Variants in YPEL1 observed in about 807,000 individuals in gnomAD.
YPEL1 encodes protein yippee-like 1.
YPEL1 carries 7 observed loss-of-function variants against 17.3 expected under a neutral mutation model. The ratio of observed to expected loss-of-function variants is 0.40; its 90% CI spans 0.23 to 0.76. The LOEUF is 0.76. YPEL1 is among the 30% of genes least tolerant of loss of function. The pLI is 0.35. For synonymous variants in YPEL1, 59 were observed against 59.6 expected (o/e 0.99, Z 0.05); for missense variants, 91 against 155.5 (o/e 0.59, Z 2.21).
intron 1 of YPEL1, 118 bp from the exon 2 acceptor site, chr22:21,711,026 ATTT>A (rs770316486): frequency 2.5e-4 from 66 of 260,708 alleles, no homozygotes; most frequent in East Asian, 8.0e-4. Context: ...CAGGACTAGA[ATTT>A]TTTTTTTTTT....
chr22:21,725,946 C>T (rs2068331915), intron 1 of YPEL1, among the ~76,000 whole-genome samples: 1 of 152,120 alleles, frequency 6.6e-6, no homozygotes, highest in South Asian at 2.1e-4. Context: ...CTATGGTGAG[C>T]CGTGATGGTG....
At chr22:21,720,321 C>T (rs2068268945) in intron 1 of YPEL1, among the ~76,000 whole-genome samples, 1 of 152,008 alleles carries the variant, frequency 6.6e-6, no homozygotes, top group Admixed American at 6.6e-5. Context: ...CCTCCCAGCT[C>T]AGCCTCCCAA....
At chr22:21,721,059 C>T (rs1422674513) in intron 1 of YPEL1, among the ~76,000 whole-genome samples, 4 of 151,988 alleles carry the variant, frequency 2.6e-5, no homozygotes, top group Non-Finnish European at 5.9e-5. Flanking sequence ...GATCTGTCTG[C>T]CTCAGCCTCC....
rs1168580307 is a variant in YPEL1 at position 21,699,732 on chromosome 22, A to G, written c.*1397T>C. ...GGTTCTGGCCTCTTTCATATGCAAA[A>G]ATAATTCTTTTTCTTCAAGTACATC... On this transcript the variant is annotated 3_prime_UTR_variant, in exon 5 of 5. Coordinates refer to ENST00000339468, the MANE Select transcript of YPEL1 (RefSeq NM_013313.5). The G allele has an allele frequency of 6.5e-6, 1 of 152,726 alleles. No individual in the cohort carries two copies. Among genetic ancestry groups the G allele is most frequent in the Non-Finnish European group, 1.5e-5 (1 of 68,034 alleles). 9.5% of individuals were successfully genotyped at this position (152,726 alleles called of 1,614,324 possible).
chr22:21,722,274 G>A (rs1001122097), intron 1 of YPEL1, among the ~76,000 whole-genome samples: 1 of 152,160 alleles, frequency 6.6e-6, no homozygotes. Flanking sequence ...AAATTAGCCA[G>A]ATGTGGTGGC....
At chr22:21,719,021 T>C (rs949740241) in intron 1 of YPEL1, among the ~76,000 whole-genome samples, 1 of 152,202 alleles carries the variant, frequency 6.6e-6, no homozygotes, top group African/African-American at 2.4e-5. Flanking sequence ...ACACAGTACA[T>C]TTTATTAGAT....
At position 21,735,722 on chromosome 22, in the gene YPEL1, G is replaced by T. The variant is rs2068430741; in HGVS notation, c.-272C>A. Reference sequence around the variant, plus strand: ...CCCGGCGCGGCCCGGGACGCGCTGAGGCCGTTAACGCCTAGGCAGGGCGCG... The same window carrying T: ...CCCGGCGCGGCCCGGGACGCGCTGATGCCGTTAACGCCTAGGCAGGGCGCG... On this transcript the variant is annotated 5_prime_UTR_variant, in exon 1 of 5. Coordinates refer to ENST00000339468, the MANE Select transcript of YPEL1 (RefSeq NM_013313.5). The T allele has an allele frequency of 6.6e-6, 1 of 150,854 alleles. No homozygotes were observed. Among genetic ancestry groups the T allele is most frequent in the South Asian group, 2.1e-4 (1 of 4,828 alleles). 9.3% of individuals were successfully genotyped at this position (150,854 alleles called of 1,614,324 possible).
chr22:21,731,108 T>TGGGAG (rs1190672079), intron 1 of YPEL1, among the ~76,000 whole-genome samples: 1 of 152,122 alleles, frequency 6.6e-6, no homozygotes, highest in Non-Finnish European at 1.5e-5. Flanking sequence ...CTGTGCATGG[T>TGGGAG]GACTCATGCC....
chr22:21,710,157 GCCAGAGCTTCAC>G (rs1427732082), intron 2 of YPEL1, among the ~76,000 whole-genome samples: 1 of 152,140 alleles, frequency 6.6e-6, no homozygotes, highest in Non-Finnish European at 1.5e-5. Flanking sequence ...ACAGAGACCA[GCCAGAGCTTCAC>G]CCAGGGCTCC....
At chr22:21,715,412 T>A (rs1601632764) in intron 1 of YPEL1, among the ~76,000 whole-genome samples, 2 of 151,566 alleles carry the variant, frequency 1.3e-5, no homozygotes, top group Non-Finnish European at 2.9e-5. Context: ...GAGAATCACT[T>A]GAACCCGGGA....
At chr22:21,721,368 G>C (rs184399994) in intron 1 of YPEL1, among the ~76,000 whole-genome samples, 1 of 150,796 alleles carries the variant, frequency 6.6e-6, no homozygotes, top group African/African-American at 2.4e-5. Flanking sequence ...TCTGCCCGCC[G>C]CAGCCTCCCA....
chr22:21,714,925 C>A (rs535152914), intron 1 of YPEL1, among the ~76,000 whole-genome samples: 57 of 152,270 alleles, frequency 3.7e-4, no homozygotes, highest in African/African-American at 1.4e-3. Context: ...CCTTTCCTTA[C>A]TGATTCGTAG....
intron 1 of YPEL1, among the ~76,000 whole-genome samples, chr22:21,725,991 C>T (rs1163364766): frequency 1.3e-5 from 2 of 152,102 alleles, no homozygotes; most frequent in South Asian, 2.1e-4. Flanking sequence ...AGACCGAGAC[C>T]GTGTCCAAAA....
In YPEL1 at chr22:21,701,092, C is replaced by T. The variant is rs770492767; in HGVS notation, c.*37G>A. On this transcript the variant is annotated 3_prime_UTR_variant, in exon 5 of 5. Transcript: ENST00000339468. ...TCCATTACATTCACAGTTTCTTTCA[C>T]AAAACAGCATTCAAAGGAGAAGGGA... 6.3e-6 allele frequency: 10 copies of T among 1,575,988 alleles called. No individual in the cohort carries two copies. Among genetic ancestry groups the T allele is most frequent in the South Asian group, 1.1e-5 (1 of 89,930 alleles).
In YPEL1 at chr22:21,697,676, C is replaced by A. The variant is rs1410978211; in HGVS notation, c.*3453G>T. 2 of 152,592 alleles carry A rather than the reference C, an allele frequency of 1.3e-5. No homozygotes were observed. The highest frequency in any genetic ancestry group is 2.9e-5 in the Non-Finnish European group (2 of 68,246). The allele number at this position is 152,592 out of a possible 1,614,324, so 9.5% of individuals were successfully genotyped here. ...GTCCTGCTCCTTGCAGTGAAGCCAC[C>A]ATGGGTGACCGTCCAGCCTCACCCG... On this transcript the variant is annotated 3_prime_UTR_variant, in exon 5 of 5. Transcript: ENST00000339468.
Position 21,707,417 on chromosome 22 carries a change from AAAC to A in YPEL1, c.117+3208_117+3210del, listed in dbSNP as rs146133641. Among the ~76,000 whole-genome samples the A allele has an allele frequency of 9.2e-5, 14 of 152,292 alleles. No homozygotes were observed. The East Asian group carries it at 1.4e-3, about 15-fold the overall frequency. ...GGGCGACAAAGCAAGGCTCCATCTC[AAAC>A]AACAACAACAGCAACAACAAAAAAC... On this transcript the variant is annotated intron_variant, in intron 2 of 4. Coordinates refer to ENST00000339468, the MANE Select transcript of YPEL1 (RefSeq NM_013313.5).
chr22:21,724,752 T>G (rs2068317348), intron 1 of YPEL1, among the ~76,000 whole-genome samples: 1 of 149,176 alleles, frequency 6.7e-6, no homozygotes, highest in African/African-American at 2.5e-5. Context: ...GGTTCATTTC[T>G]GTATTTTTTG....
At position 21,726,397 on chromosome 22, in the gene YPEL1, C is replaced by T. The variant is rs569403314; in HGVS notation, c.-165+9218G>A. ...CGGCAAATTCTCAGGCCGTTGAATTCTCACAACATCCTGAGAAATAGGCAT... is the reference window on the plus strand; with the variant it reads ...CGGCAAATTCTCAGGCCGTTGAATTTTCACAACATCCTGAGAAATAGGCAT... On this transcript the variant is annotated intron_variant, in intron 1 of 4. Coordinates refer to ENST00000339468, the MANE Select transcript of YPEL1 (RefSeq NM_013313.5). Among the ~76,000 whole-genome samples, 4 of 152,334 alleles carry T rather than the reference C, an allele frequency of 2.6e-5. No individual in the cohort carries two copies. The South Asian group carries it at 8.3e-4, about 32-fold the overall frequency.
At chr22:21,716,121 C>T (rs987900593) in intron 1 of YPEL1, among the ~76,000 whole-genome samples, 4 of 152,096 alleles carry the variant, frequency 2.6e-5, no homozygotes, top group Non-Finnish European at 4.4e-5. Flanking sequence ...GTTGTCCAGG[C>T]TGGTCTCAAA....
Sources: allele counts gnomAD v4.1 joint callset (sites outside exome capture counted in the v4.1 genomes callset), GRCh38; gene constraint gnomAD v4.1.1; transcripts MANE v1.5; gene names NCBI Gene and HGNC (gene_info 2026-07-23, HGNC 2026-07-21).